Variants in MYO9B observed in about 807,000 individuals in gnomAD.
MYO9B encodes myosin IXB.
A neutral mutation model predicts 229.5 loss-of-function variants in MYO9B; 71 were observed. That is an observed-to-expected ratio of 0.31 (90% CI 0.26 to 0.38). MYO9B has a LOEUF of 0.38. Ranked by LOEUF, MYO9B falls within the 10% of genes least tolerant of loss-of-function variation. The pLI is 1.00. For missense variants in MYO9B, 2,255 were observed against 2,920.5 expected (o/e 0.77, Z 5.25); for synonymous variants, 1,185 against 1,235.8 (o/e 0.96, Z 0.86).
At chr19:17,197,373 A>G (rs1378365992) in intron 22 of MYO9B, among the ~76,000 whole-genome samples, 7 of 150,622 alleles carry the variant, frequency 4.6e-5, no homozygotes, top group Admixed American at 4.6e-4. Flanking sequence ...CAATGAGTCA[A>G]TGAGTAGAAG....
At chr19:17,087,347 A>G (rs932105529) in intron 1 of MYO9B, among the ~76,000 whole-genome samples, 1 of 152,144 alleles carries the variant, frequency 6.6e-6, no homozygotes, top group African/African-American at 2.4e-5. Flanking sequence ...GTCTGGGGGA[A>G]TGTCTTGGGG....
At chr19:17,119,098 A>G (rs929791158) in intron 2 of MYO9B, among the ~76,000 whole-genome samples, 1 of 152,188 alleles carries the variant, frequency 6.6e-6, no homozygotes. Context: ...GGCTGCCTGC[A>G]TGCTGTGTGA....
chr19:17,184,977 C>T lies in MYO9B; in HGVS notation c.2486C>T (p.Ala829Val). Residue 829 changes from alanine (A) to valine (V), a missense_variant, in exon 17 of 40, where the codon GCC (alanine) becomes GTC (valine). Physicochemically the swap from Ala to Val is moderately conservative, Grantham distance 64. Transcript: ENST00000682292. ...HKKKKPPSIS[A>V]QFQTSLNKLL... ...AAGAAAAAGCCACCAAGCATCAGCG[C>T]CCAGTTCCAGGTAGGTGGAGCAGGA... 6.2e-7 allele frequency: 1 copy of T among 1,613,960 alleles called. No individual in the cohort carries two copies. The highest frequency in any genetic ancestry group is 2.2e-5 in the East Asian group (1 of 44,878).
chr19:17,210,750 G>A lies in MYO9B; in HGVS notation c.5832G>A (p.Glu1944=), dbSNP rs1478281853. 1 of 1,564,344 alleles carries A rather than the reference G, an allele frequency of 6.4e-7. No homozygotes were observed. Among genetic ancestry groups the A allele is most frequent in the Non-Finnish European group, 8.7e-7 (1 of 1,154,850 alleles). The part of the protein sequence containing the change: ...KSPKTRDIQE[E]ELEVLLEEEA... ...CCAAGACCCGGGACATCCAGGAGGAGGAGCTGGAGGTGCTGCTGGAGGAGG... is the reference window on the plus strand; with the variant it reads ...CCAAGACCCGGGACATCCAGGAGGAAGAGCTGGAGGTGCTGCTGGAGGAGG... Residue 1944 remains glutamate, a synonymous_variant, in exon 38 of 40, where the codon GAG becomes GAA. Transcript: ENST00000682292.
At chr19:17,205,854 G>A in intron 31 of MYO9B, 106 bp from the exon 32 acceptor site, 1 of 1,121,022 alleles carries the variant, frequency 8.9e-7, no homozygotes, top group Non-Finnish European at 1.2e-6. Context: ...GAACAGCAGA[G>A]GAAGCCCTGA....
rs1299526292 is a variant in MYO9B, at chr19:17,162,479, A to C, written c.1536+13A>C. 2 of 1,549,606 alleles carry C rather than the reference A, an allele frequency of 1.3e-6. No homozygotes were observed. The highest frequency in any genetic ancestry group is 2.7e-5 in the African/African-American group (2 of 72,818). On this transcript the variant is annotated intron_variant, in intron 9 of 39. Coordinates refer to ENST00000682292, the MANE Select transcript of MYO9B (RefSeq NM_004145.4). ...AGAGGCAGTCTCGGTGAGTGCCCCC[A>C]TTTGCTTCCTCAAGCCCGGCCAGGG...
rs531893227 is a variant in MYO9B at position 17,100,804 on chromosome 19, T to C, written c.-58-856T>C. 5.7e-3 allele frequency among the ~76,000 whole-genome samples: 868 copies of C among 152,064 alleles called. 7 individuals are homozygous for C. The highest frequency in any genetic ancestry group is 8.5e-3 in the Non-Finnish European group (580 of 67,988). ...AACCACACTCTAGGCCATTCCCGAG[T>C]GCATTTTTCGTGGCTCTCCCGGACT... is the stretch of plus-strand genomic sequence containing the variant. On this transcript the variant is annotated intron_variant, in intron 1 of 39. Transcript: ENST00000682292.
At chr19:17,093,348 A>G (rs1028515190) in intron 1 of MYO9B, among the ~76,000 whole-genome samples, 4 of 152,074 alleles carry the variant, frequency 2.6e-5, no homozygotes, top group African/African-American at 9.7e-5. Flanking sequence ...AAAAAAAAGA[A>G]AAAGACATAT....
intron 8 of MYO9B, among the ~76,000 whole-genome samples, chr19:17,161,564 C>G (rs566439537): frequency 6.6e-6 from 1 of 152,052 alleles, no homozygotes; most frequent in Non-Finnish European, 1.5e-5. Flanking sequence ...GCCTGTAATC[C>G]CAGCACTTTG....
chr19:17,126,323 G>A (rs932243057), intron 2 of MYO9B, among the ~76,000 whole-genome samples: 5 of 152,184 alleles, frequency 3.3e-5, no homozygotes, highest in Admixed American at 6.5e-5. Flanking sequence ...CCCCACCATG[G>A]CCTCGGGAGA....
chr19:17,077,482 C>T (rs1249869163), intron 1 of MYO9B, among the ~76,000 whole-genome samples: 2 of 152,168 alleles, frequency 1.3e-5, no homozygotes, highest in Non-Finnish European at 2.9e-5. Flanking sequence ...CTTGCACTGG[C>T]CTACAGAACA....
chr19:17,184,661 C>G (rs188597189), intron 16 of MYO9B: 91 of 560,264 alleles, frequency 1.6e-4, no homozygotes, highest in African/African-American at 1.4e-3. Flanking sequence ...CCTCCCGGAA[C>G]CAGCGCTGTG....
At chr19:17,126,615 T>C (rs2058021719) in intron 2 of MYO9B, among the ~76,000 whole-genome samples, 2 of 152,224 alleles carry the variant, frequency 1.3e-5, no homozygotes, top group East Asian at 3.9e-4. Context: ...CTGCTGAAAA[T>C]TGAATTTCAC....
chr19:17,154,628 C>T (rs1034042570), intron 6 of MYO9B, among the ~76,000 whole-genome samples: 1 of 152,132 alleles, frequency 6.6e-6, no homozygotes, highest in Admixed American at 6.6e-5. Flanking sequence ...TTAAAGGTAA[C>T]GTGAACATAC....
At chr19:17,178,074 G>T (rs2072810821) in intron 14 of MYO9B, among the ~76,000 whole-genome samples, 1 of 152,208 alleles carries the variant, frequency 6.6e-6, no homozygotes, top group Admixed American at 6.5e-5. Flanking sequence ...CTGCGGGTGG[G>T]CCAAAGTCAT....
Position 17,076,293 on chromosome 19 carries a change from T to G in MYO9B, c.-59+419T>G, listed in dbSNP as rs974693327. On this transcript the variant is annotated intron_variant, in intron 1 of 39. Coordinates refer to ENST00000682292, the MANE Select transcript of MYO9B (RefSeq NM_004145.4). ...TTGAGGGGAAGGGGTGCGAGACCGA[T>G]CTGGGGACGTCTGCCCGCGCGATTG... Among the ~76,000 whole-genome samples, 3 of 151,466 alleles carry G rather than the reference T, an allele frequency of 2.0e-5. No homozygotes were observed. The East Asian group carries it at 5.9e-4, about 30-fold the overall frequency.
intron 1 of MYO9B, among the ~76,000 whole-genome samples, chr19:17,079,243 C>A (rs2057513169): frequency 6.6e-6 from 1 of 152,206 alleles, no homozygotes; most frequent in South Asian, 2.1e-4. Flanking sequence ...GGAACTGCCA[C>A]TAAGAGTGGG....
intron 1 of MYO9B, among the ~76,000 whole-genome samples, chr19:17,092,394 G>A (rs971020679): frequency 2.6e-5 from 4 of 152,234 alleles, no homozygotes; most frequent in African/African-American, 9.6e-5. Context: ...ATGAACATGT[G>A]GGTGGACATG....
intron 1 of MYO9B, among the ~76,000 whole-genome samples, chr19:17,083,645 CT>C (rs5827358): frequency 0.52 from 63,311 of 120,972 alleles, 15,996 homozygotes; most frequent in African/African-American, 0.66. Context: ...ATGCTGCCCT[CT>C]TTTTTTTTTT....
Sources: gnomAD v4.1 joint callset for allele counts (sites outside exome capture counted in the v4.1 genomes callset) on GRCh38, gnomAD v4.1.1 for gene constraint, MANE v1.5 for transcripts, NCBI Gene and HGNC (gene_info 2026-07-23, HGNC 2026-07-21) for gene names.